MALRD1: variants seen among roughly 807,000 people sequenced by gnomAD.
The protein encoded by MALRD1 is MAM and LDL-receptor class A domain-containing protein 1.
MALRD1 carries 247 observed loss-of-function variants against 242.1 expected under a neutral mutation model. The observed-to-expected ratio is 1.02, with a 90% CI of 0.92 to 1.13. The LOEUF (loss-of-function observed/expected upper bound fraction) is 1.13, where lower values mean the gene tolerates loss of function less well. Ranked by LOEUF, MALRD1 falls within the 50% of genes most tolerant of loss-of-function variation. MALRD1 has a pLI of 0.00. For missense variants in MALRD1, 2,989 were observed against 2,533.1 expected (o/e 1.18, Z -3.86); for synonymous variants, 995 against 866.6 (o/e 1.15, Z -2.60).
chr10:19,594,048 A>G (rs1157409814), intron 33 of MALRD1, among the ~76,000 whole-genome samples: 1 of 152,196 alleles, frequency 6.6e-6, no homozygotes, highest in African/African-American at 2.4e-5. Context: ...CCAGGGTCTC[A>G]AGAGCCAGAT....
At chr10:19,327,799 G>A in intron 23 of MALRD1, 126 bp downstream of exon 23, 6 of 727,176 alleles carry the variant, frequency 8.3e-6, no homozygotes, top group Non-Finnish European at 1.4e-5. Flanking sequence ...TGGATGCGTG[G>A]ACACCATGCT....
Position 19,504,663 on chromosome 10 carries a change from CATTTTTTTTTTT to C in MALRD1, c.5320+6018_5320+6029del, listed in dbSNP as rs1437503560. On this transcript the variant is annotated intron_variant, in intron 31 of 39. Transcript: ENST00000454679. ...AACATATAATGACTATATTGTAACA[CATTTTTTTTTTT>C]TTTTTTTTTTTTTTTTTTGAGACGG... Among the ~76,000 whole-genome samples, 290 of 128,694 alleles carry C rather than the reference CATTTTTTTTTTT, an allele frequency of 2.3e-3. 5 individuals are homozygous for C. In the East Asian group the frequency reaches 0.047, roughly 21 times the overall value. 84.4% of individuals were successfully genotyped at this position (128,694 alleles called of 152,430 possible). A position where few individuals can be genotyped will look rare whatever the true frequency, so the allele number is the denominator to read the frequency against.
chr10:19,128,419 A>G, intron 8 of MALRD1, 32 bp downstream of exon 8: 1 of 1,222,520 alleles, frequency 8.2e-7, no homozygotes, highest in Non-Finnish European at 1.0e-6. Context: ...TTTCAAATTC[A>G]TTGAATCAAT....
At chr10:19,405,686 A>G (rs896790288) in intron 28 of MALRD1, among the ~76,000 whole-genome samples, 4 of 152,196 alleles carry the variant, frequency 2.6e-5, no homozygotes, top group Admixed American at 2.6e-4. Flanking sequence ...GGAAAATCAG[A>G]TATCAAACTT....
chr10:19,605,373 G>A (rs1303027268), intron 34 of MALRD1, among the ~76,000 whole-genome samples: 1 of 151,292 alleles, frequency 6.6e-6, no homozygotes, highest in Admixed American at 6.6e-5. Context: ...TCACCATGTT[G>A]GCCAGGCTGG....
chr10:19,375,526 C>T (rs1845558201), intron 26 of MALRD1, among the ~76,000 whole-genome samples: 1 of 152,080 alleles, frequency 6.6e-6, no homozygotes, highest in Non-Finnish European at 1.5e-5. Context: ...TGGATAAGGA[C>T]ACACATCCTC....
intron 33 of MALRD1, among the ~76,000 whole-genome samples, chr10:19,584,943 CTCT>C (rs1837312190): frequency 6.6e-6 from 1 of 152,010 alleles, no homozygotes; most frequent in Non-Finnish European, 1.5e-5. Flanking sequence ...GGATAGTTAG[CTCT>C]TCTTGTTGAA....
At chr10:19,315,025 A>G (rs1229548157) in intron 21 of MALRD1, among the ~76,000 whole-genome samples, 1 of 142,936 alleles carries the variant, frequency 7.0e-6, no homozygotes, top group Non-Finnish European at 1.5e-5. Flanking sequence ...ATAAATATAT[A>G]AATATAATTT....
At chr10:19,713,802 G>T (rs1834252641) in intron 38 of MALRD1, among the ~76,000 whole-genome samples, 1 of 152,222 alleles carries the variant, frequency 6.6e-6, no homozygotes, top group Non-Finnish European at 1.5e-5. Flanking sequence ...TGGTCAGTCT[G>T]GTTCTGGAGT....
At chr10:19,475,591 A>T (rs901215066) in intron 29 of MALRD1, among the ~76,000 whole-genome samples, 1 of 152,180 alleles carries the variant, frequency 6.6e-6, no homozygotes, top group African/African-American at 2.4e-5. Flanking sequence ...TATGTCAAAA[A>T]TATAGTAGAG....
intron 19 of MALRD1, among the ~76,000 whole-genome samples, chr10:19,274,410 A>G (rs61691526): frequency 0.088 from 13,336 of 152,170 alleles, 661 homozygotes; most frequent in Middle Eastern, 0.12. Flanking sequence ...TGTATGTGGG[A>G]TAATTAGGTC....
At chr10:19,452,519 A>G (rs533890257) in intron 29 of MALRD1, among the ~76,000 whole-genome samples, 10 of 152,302 alleles carry the variant, frequency 6.6e-5, no homozygotes, top group Middle Eastern at 3.4e-3. Flanking sequence ...ACATTTTCAG[A>G]AAAAGTAGCC....
At chr10:19,070,836 C>CTTTT (rs3042437) in intron 2 of MALRD1, among the ~76,000 whole-genome samples, 1 of 52,444 alleles carries the variant, frequency 1.9e-5, no homozygotes, top group Non-Finnish European at 3.4e-5. Flanking sequence ...AAATGACAAA[C>CTTTT]TTTTTTTTTT....
chr10:19,448,834 TATA>T (rs1835149853), intron 28 of MALRD1, among the ~76,000 whole-genome samples: 1 of 151,904 alleles, frequency 6.6e-6, no homozygotes, highest in Admixed American at 6.6e-5. Context: ...AATATGATTA[TATA>T]ATAATATAAT....
At position 19,261,792 on chromosome 10, in the gene MALRD1, G is replaced by A. The variant is rs574955712; in HGVS notation, c.3079+4021G>A. Among the ~76,000 whole-genome samples, 3 of 151,482 alleles carry A rather than the reference G, an allele frequency of 2.0e-5. No homozygotes were observed. In the East Asian group the frequency reaches 5.8e-4, roughly 29 times the overall value. ...AAATCAACCTTTTCCCCTCGTGCCT[G>A]CCTTGTAATTTTAATGAAAGCAGTG... On this transcript the variant is annotated intron_variant, in intron 19 of 39. Transcript: ENST00000454679.
intron 34 of MALRD1, among the ~76,000 whole-genome samples, chr10:19,604,513 A>G (rs984760662): frequency 6.6e-6 from 1 of 152,188 alleles, no homozygotes; most frequent in Non-Finnish European, 1.5e-5. Flanking sequence ...ATGAAGTTGA[A>G]GGAAAGAAAC....
chr10:19,590,248 G>GAT (rs1451594029), intron 33 of MALRD1, among the ~76,000 whole-genome samples: 3 of 147,706 alleles, frequency 2.0e-5, no homozygotes, highest in African/African-American at 7.5e-5. Flanking sequence ...TATTGGTGGT[G>GAT]ATATATATAT....
chr10:19,337,203 T>A (rs894481476), intron 24 of MALRD1, among the ~76,000 whole-genome samples: 4 of 152,226 alleles, frequency 2.6e-5, no homozygotes, highest in African/African-American at 4.8e-5. Flanking sequence ...GCTAGACAAT[T>A]TGTTAAGTAA....
At chr10:19,527,492 C>T (rs778238922) in intron 31 of MALRD1, among the ~76,000 whole-genome samples, 75 of 152,096 alleles carry the variant, frequency 4.9e-4, no homozygotes, top group Non-Finnish European at 9.6e-4. Context: ...TACTAATTTA[C>T]CTACTGCTTT....
Sources: allele counts gnomAD v4.1 joint callset (sites outside exome capture counted in the v4.1 genomes callset), GRCh38; gene constraint gnomAD v4.1.1; transcripts MANE v1.5; gene names NCBI Gene and HGNC (gene_info 2026-07-23, HGNC 2026-07-21).